TIAM1: variants seen among roughly 807,000 people sequenced by gnomAD.
The protein encoded by TIAM1 is rho guanine nucleotide exchange factor TIAM1.
A neutral mutation model predicts 163.5 loss-of-function variants in TIAM1; 65 were observed. The ratio of observed to expected loss-of-function variants is 0.40; its 90% CI spans 0.33 to 0.49. The LOEUF is 0.49. Ranked by LOEUF, TIAM1 falls within the 20% of genes least tolerant of loss-of-function variation. TIAM1 has a pLI of 0.77. For missense variants in TIAM1, 1,789 were observed against 2,044.7 expected (o/e 0.87, Z 2.41); for synonymous variants, 833 against 810.1 (o/e 1.03, Z -0.48).
intron 22 of TIAM1, among the ~76,000 whole-genome samples, chr21:31,139,817 A>G (rs991381569): frequency 6.6e-6 from 1 of 152,210 alleles, no homozygotes; most frequent in Non-Finnish European, 1.5e-5. Flanking sequence ...TTCCTGGGCT[A>G]TCAGATCCTG....
chr21:31,186,512 T>C (rs1292960228), intron 14 of TIAM1, among the ~76,000 whole-genome samples: 1 of 151,946 alleles, frequency 6.6e-6, no homozygotes, highest in Non-Finnish European at 1.5e-5. Context: ...CAGTTTAAAA[T>C]CCAAAAATGA....
chr21:31,210,388 G>GATTT (rs2086660115), intron 10 of TIAM1, among the ~76,000 whole-genome samples, 173 bp from the exon 11 acceptor site: 1 of 151,516 alleles, frequency 6.6e-6, no homozygotes. Context: ...TGAGAAAGCA[G>GATTT]ATTTATGGTG....
At chr21:31,499,609 T>C (rs959346518) in intron 1 of TIAM1, among the ~76,000 whole-genome samples, 1 of 151,954 alleles carries the variant, frequency 6.6e-6, no homozygotes, top group African/African-American at 2.4e-5. Context: ...CTCAGCACTT[T>C]GGGAGGCCGA....
chr21:31,410,629 T>G (rs2077339398), intron 2 of TIAM1, among the ~76,000 whole-genome samples: 1 of 151,724 alleles, frequency 6.6e-6, no homozygotes, highest in Non-Finnish European at 1.5e-5. Context: ...TTAGTGTGTG[T>G]CAGTGACTAT....
intron 2 of TIAM1, among the ~76,000 whole-genome samples, chr21:31,397,956 A>T (rs2077100397): frequency 6.6e-6 from 1 of 152,040 alleles, no homozygotes; most frequent in African/African-American, 2.4e-5. Flanking sequence ...TAAACTTCTA[A>T]GCAAGCTTCA....
chr21:31,132,189 A>G (rs527409357), intron 23 of TIAM1, among the ~76,000 whole-genome samples: 1 of 152,346 alleles, frequency 6.6e-6, no homozygotes, highest in African/African-American at 2.4e-5. Context: ...TTGGAGGCCA[A>G]CTGGAAGTAT....
intron 13 of TIAM1, among the ~76,000 whole-genome samples, chr21:31,194,095 C>CCT (rs1438627457): frequency 6.6e-6 from 1 of 151,896 alleles, no homozygotes; most frequent in East Asian, 1.9e-4. Flanking sequence ...CTCGGGCACC[C>CCT]CTCTCTCTCT....
intron 13 of TIAM1, among the ~76,000 whole-genome samples, chr21:31,187,769 G>A (rs2085373049): frequency 6.6e-6 from 1 of 152,094 alleles, no homozygotes; most frequent in Admixed American, 6.5e-5. Flanking sequence ...ATTCTACGTG[G>A]CTTGAGGATC....
At chr21:31,402,533 T>C (rs1452820153) in intron 2 of TIAM1, among the ~76,000 whole-genome samples, 2 of 152,150 alleles carry the variant, frequency 1.3e-5, no homozygotes, top group African/African-American at 4.8e-5. Context: ...ACATTTCCCA[T>C]ATCCCTTCAG....
rs140624077 is a variant in TIAM1 at position 31,555,261 on chromosome 21, G to A, written c.-422+3666C>T. Among the ~76,000 whole-genome samples the A allele has an allele frequency of 7.4e-3, 1,106 of 150,020 alleles. 20 individuals carry two copies. The highest frequency in any genetic ancestry group is 0.026 in the African/African-American group (1,050 of 40,688). Reference sequence around the variant, plus strand: ...TTAGAGATGAAAAGACCTGAAGTTTGGAATTGGGAAAAACAGAAACGTTTA... The same window carrying A: ...TTAGAGATGAAAAGACCTGAAGTTTAGAATTGGGAAAAACAGAAACGTTTA... On this transcript the variant is annotated intron_variant, in intron 1 of 28. Transcript: ENST00000286827.
intron 4 of TIAM1, 24 bp from the exon 5 acceptor site, chr21:31,252,213 A>G: frequency 6.3e-7 from 1 of 1,591,360 alleles, no homozygotes; most frequent in Non-Finnish European, 8.5e-7. Context: ...AGAGAGAGCA[A>G]AGAAGACAAG....
Position 31,423,915 on chromosome 21 carries a change from A to G in TIAM1, c.-369+40068T>C, listed in dbSNP as rs1390584807. On this transcript the variant is annotated intron_variant, in intron 2 of 28. Transcript: ENST00000286827. ...GAAATAGGGAATGATTTGGGGCATG[A>G]TGAGAGTGTTCTGAAGTTGATTGTA... is the stretch of plus-strand genomic sequence containing the variant. Among the ~76,000 whole-genome samples the G allele has an allele frequency of 6.7e-5, 10 of 150,118 alleles. No homozygotes were observed. The Admixed American group carries it at 6.7e-4, about 10-fold the overall frequency.
At chr21:31,250,468 G>A (rs917969130) in intron 5 of TIAM1, among the ~76,000 whole-genome samples, 3 of 152,188 alleles carry the variant, frequency 2.0e-5, no homozygotes, top group African/African-American at 7.2e-5. Flanking sequence ...TTGTGCAAGG[G>A]TTGACCTGCA....
intron 3 of TIAM1, among the ~76,000 whole-genome samples, chr21:31,268,271 AT>A (rs1271735211): frequency 3.3e-5 from 5 of 152,180 alleles, no homozygotes; most frequent in Non-Finnish European, 7.3e-5. Flanking sequence ...CATGAAGCTA[AT>A]TTCTAGCCAG....
intron 2 of TIAM1, among the ~76,000 whole-genome samples, chr21:31,454,619 C>A (rs896077304): frequency 1.3e-5 from 2 of 152,156 alleles, no homozygotes; most frequent in Non-Finnish European, 2.9e-5. Context: ...ACAAGGAGGG[C>A]ATCCACGTGG....
At chr21:31,538,017 T>A (rs2048194829) in intron 1 of TIAM1, among the ~76,000 whole-genome samples, 1 of 152,198 alleles carries the variant, frequency 6.6e-6, no homozygotes, top group South Asian at 2.1e-4. Flanking sequence ...TCCTGTGCGA[T>A]TCCTTACTAT....
At chr21:31,535,067 G>C (rs2048084634) in intron 1 of TIAM1, among the ~76,000 whole-genome samples, 1 of 151,936 alleles carries the variant, frequency 6.6e-6, no homozygotes, top group East Asian at 1.9e-4. Flanking sequence ...TCCAGCCTGG[G>C]TGACAGAGGA....
intron 15 of TIAM1, among the ~76,000 whole-genome samples, chr21:31,172,338 G>C (rs2084553339): frequency 6.6e-6 from 1 of 151,934 alleles, no homozygotes; most frequent in Non-Finnish European, 1.5e-5. Flanking sequence ...ACAGAGTTTT[G>C]CAATTTCCTA....
At chr21:31,318,891 T>C (rs1222138231) in intron 2 of TIAM1, among the ~76,000 whole-genome samples, 2 of 152,280 alleles carry the variant, frequency 1.3e-5, no homozygotes, top group East Asian at 3.9e-4. Flanking sequence ...AAAGACAGGG[T>C]CTCGCTCTGT....
Sources: gnomAD v4.1 joint callset for allele counts (sites outside exome capture counted in the v4.1 genomes callset) on GRCh38, gnomAD v4.1.1 for gene constraint, MANE v1.5 for transcripts, NCBI Gene and HGNC (gene_info 2026-07-23, HGNC 2026-07-21) for gene names.